The following MPPED2 variants were observed in gnomAD, a reference collection of about 807,000 sequenced individuals.
The protein encoded by MPPED2 is metallophosphoesterase MPPED2.
In MPPED2, 5 loss-of-function variants were observed where a neutral mutation model predicts 33.0. The observed-to-expected ratio is 0.15, with a 90% CI of 0.08 to 0.32. The LOEUF (loss-of-function observed/expected upper bound fraction) is 0.32, where lower values mean the gene tolerates loss of function less well. Among genes scored for constraint, MPPED2 ranks in the 10% least tolerant of loss-of-function variants. MPPED2 has a pLI of 1.00. For synonymous variants in MPPED2, 136 were observed against 141.9 expected (o/e 0.96, Z 0.29); for missense variants, 275 against 372.1 (o/e 0.74, Z 2.15).
At chr11:30,586,432 C>T (rs1445941211), upstream of MPPED2, among the ~76,000 whole-genome samples, 1 of 152,000 alleles carries the variant, frequency 6.6e-6, no homozygotes, top group Non-Finnish European at 1.5e-5. This position sits in a 1 kb window ranked among gnomAD's most constrained non-coding sequence, Gnocchi z 4.8. Context: ...TGCGCGCTCC[C>T]CGGCGGGACC....
intron 1 of MPPED2, among the ~76,000 whole-genome samples, chr11:30,583,059 T>A (rs1000251423): frequency 2.0e-5 from 3 of 151,386 alleles, no homozygotes; most frequent in Non-Finnish European, 4.4e-5. Context: ...TAAAATGCTA[T>A]GTTCATCCCC....
At position 30,532,921 on chromosome 11, in the gene MPPED2, C is replaced by T. The variant is rs1954605922; in HGVS notation, c.310+3073G>A. ...AAGAACTCATGATGGGATTCCCTGG[C>T]CTTGCAGTTGCTAAGTCAAGGGTGA... On this transcript the variant is annotated intron_variant, in intron 3 of 6. Transcript: ENST00000358117. Among the ~76,000 whole-genome samples the T allele has an allele frequency of 2.0e-5, 3 of 152,172 alleles. 1 individual carries two copies. The South Asian group carries it at 6.2e-4, about 32-fold the overall frequency.
intron 4 of MPPED2, among the ~76,000 whole-genome samples, chr11:30,476,486 G>A (rs1199867044): frequency 6.6e-6 from 1 of 151,952 alleles, no homozygotes; most frequent in East Asian, 1.9e-4. Flanking sequence ...TATCTGTCCA[G>A]GTACCATTTA....
chr11:30,453,713 C>G (rs987310571), intron 4 of MPPED2, among the ~76,000 whole-genome samples: 1 of 152,312 alleles, frequency 6.6e-6, no homozygotes, highest in South Asian at 2.1e-4. Context: ...TCATTGAACA[C>G]TGATAAGATC....
chr11:30,465,742 T>C (rs556813317), intron 4 of MPPED2, among the ~76,000 whole-genome samples: 2 of 152,342 alleles, frequency 1.3e-5, no homozygotes, highest in South Asian at 4.1e-4. Flanking sequence ...ACAACACAGG[T>C]TTGAACTGTG....
intron 3 of MPPED2, among the ~76,000 whole-genome samples, chr11:30,531,476 G>A (rs1459227073): frequency 1.3e-5 from 2 of 152,204 alleles, no homozygotes; most frequent in African/African-American, 4.8e-5. Context: ...TGGGAGGAAA[G>A]GGGCCAATGC....
At chr11:30,532,322 T>A (rs533916751) in intron 3 of MPPED2, among the ~76,000 whole-genome samples, 2 of 152,216 alleles carry the variant, frequency 1.3e-5, no homozygotes, top group Non-Finnish European at 2.9e-5. Context: ...TCCATGGCCT[T>A]CAAGGTCTCT....
intron 3 of MPPED2, among the ~76,000 whole-genome samples, chr11:30,534,694 T>G (rs936926827): frequency 1.3e-5 from 2 of 152,188 alleles, no homozygotes; most frequent in African/African-American, 4.8e-5. Flanking sequence ...CCATAAAGAA[T>G]TTCATATCCT....
intron 4 of MPPED2, among the ~76,000 whole-genome samples, chr11:30,430,655 T>C (rs1223222619): frequency 6.6e-6 from 1 of 152,202 alleles, no homozygotes; most frequent in South Asian, 2.1e-4. Flanking sequence ...GTTCACACAG[T>C]GTAATTCGTA....
At chr11:30,419,928 G>C (rs1025402807) in intron 4 of MPPED2, among the ~76,000 whole-genome samples, 2 of 152,004 alleles carry the variant, frequency 1.3e-5, no homozygotes, top group African/African-American at 4.8e-5. Flanking sequence ...TCCTTCTAAG[G>C]GCCAATAAAA....
intron 4 of MPPED2, among the ~76,000 whole-genome samples, chr11:30,476,315 G>A (rs1456571982): frequency 6.6e-6 from 1 of 151,764 alleles, no homozygotes; most frequent in African/African-American, 2.4e-5. Context: ...TTTTGTGTCC[G>A]AATCTAAGAA....
rs1250686443 is a variant in MPPED2, at chr11:30,411,211, A to C, written c.*257T>G. On this transcript the variant is annotated 3_prime_UTR_variant, in exon 7 of 7. Transcript: ENST00000358117. ...AAAGCTTGGCTGTCCTTTGGCGAAC[A>C]CTAACAATTTACAATGGCATGGCCT... 1.4e-5 allele frequency: 15 copies of C among 1,109,818 alleles called. No homozygotes were observed. The highest frequency in any genetic ancestry group is 1.6e-5 in the Non-Finnish European group (15 of 909,282). The allele number at this position is 1,109,818 out of a possible 1,614,324, so 68.7% of individuals were successfully genotyped here.
chr11:30,492,425 C>T (rs1952025240), intron 4 of MPPED2, among the ~76,000 whole-genome samples: 2 of 151,964 alleles, frequency 1.3e-5, no homozygotes, highest in Non-Finnish European at 2.9e-5. Flanking sequence ...TGTCCTGTGC[C>T]TTTTAAGGAT....
exon 7 of MPPED2, chr11:30,384,561 G>A (rs1161085019): frequency 4.1e-5 from 6 of 147,448 alleles, no homozygotes; most frequent in South Asian, 2.2e-4. Flanking sequence ...TGCTACCTCC[G>A]CCTCCAGGGT....
chr11:30,417,819 G>A (rs1948442643), intron 4 of MPPED2, among the ~76,000 whole-genome samples, 186 bp from the exon 5 acceptor site: 1 of 152,146 alleles, frequency 6.6e-6, no homozygotes, highest in African/African-American at 2.4e-5. Context: ...AGTAAGCGTG[G>A]AGCCTACGAA....
At chr11:30,440,449 C>T (rs972382578) in intron 4 of MPPED2, among the ~76,000 whole-genome samples, 10 of 152,208 alleles carry the variant, frequency 6.6e-5, no homozygotes, top group East Asian at 1.9e-4. Flanking sequence ...CCATATGGGC[C>T]GTAAAGTCTA....
At chr11:30,570,370 G>A (rs975721128) in intron 2 of MPPED2, among the ~76,000 whole-genome samples, 7 of 152,012 alleles carry the variant, frequency 4.6e-5, no homozygotes, top group Non-Finnish European at 8.8e-5. Context: ...TGGGAGTTAG[G>A]ATTTCAACAT....
intron 3 of MPPED2, among the ~76,000 whole-genome samples, chr11:30,504,571 T>C (rs1273855230): frequency 6.6e-6 from 1 of 152,164 alleles, no homozygotes; most frequent in African/African-American, 2.4e-5. Context: ...ACCCACTGCA[T>C]ACTCCAGAAA....
intron 3 of MPPED2, among the ~76,000 whole-genome samples, chr11:30,528,679 G>A (rs922015429): frequency 2.6e-5 from 4 of 152,028 alleles, no homozygotes; most frequent in African/African-American, 4.8e-5. Context: ...GGTTGGTCTC[G>A]AACTCCTGGG....
Sources: gnomAD v4.1 joint callset for allele counts (sites outside exome capture counted in the v4.1 genomes callset) on GRCh38, gnomAD v4.1.1 for gene constraint, Gnocchi (gnomAD v3.1) non-coding constraint, MANE v1.5 for transcripts, NCBI Gene and HGNC (gene_info 2026-07-23, HGNC 2026-07-21) for gene names.